FOXN4: variants seen among roughly 807,000 people sequenced by gnomAD.
FOXN4 encodes forkhead box protein N4.
A neutral mutation model predicts 45.0 loss-of-function variants in FOXN4; 12 were observed. The observed-to-expected ratio is 0.27, with a 90% CI of 0.17 to 0.43. The LOEUF is 0.43. Ranked by LOEUF, FOXN4 falls within the 20% of genes least tolerant of loss-of-function variation. The pLI, the probability that FOXN4 is intolerant of heterozygous loss-of-function variation, is 1.00. For synonymous variants in FOXN4, 297 were observed against 295.0 expected, an observed-to-expected ratio of 1.01 and a Z score of -0.07; for missense variants, 560 against 694.9, an observed-to-expected ratio of 0.81 and a Z score of 2.18.
chr12:109,304,476 C>T (rs1390945947), intron 2 of FOXN4, among the ~76,000 whole-genome samples: 1 of 152,160 alleles, frequency 6.6e-6, no homozygotes, highest in Non-Finnish European at 1.5e-5. Context: ...TCCAGCTAAC[C>T]CACATTGAGC....
chr12:109,287,258 TG>T lies in FOXN4; in HGVS notation c.596+138del. The stretch of plus-strand genomic sequence containing the variant: ...CGCCTTCCTGAGAACAAGTCCCACC[TG>T]GGGGTTCCCCACTCCCCAAAACCTC... On this transcript the variant is annotated intron_variant, in intron 6 of 9. Transcript: ENST00000299162. This position sits in a 1 kb window ranked among gnomAD's most constrained non-coding sequence, Gnocchi z 4.1. 8.3e-7 allele frequency: 1 copy of T among 1,199,524 alleles called. No individual in the cohort carries two copies. The highest frequency in any genetic ancestry group is 1.5e-5 in the South Asian group (1 of 64,666). 74.3% of individuals were successfully genotyped at this position (1,199,524 alleles called of 1,614,324 possible). A position where few individuals can be genotyped will look rare whatever the true frequency, so the allele number is the denominator to read the frequency against.
At chr12:109,296,121 T>TC (rs1354605239) in intron 2 of FOXN4, among the ~76,000 whole-genome samples, 1 of 152,130 alleles carries the variant, frequency 6.6e-6, no homozygotes, top group Non-Finnish European at 1.5e-5. Context: ...TCACCTACAG[T>TC]CCCCTGCATG....
intron 3 of FOXN4, among the ~76,000 whole-genome samples, chr12:109,289,136 C>T (rs1482673323): frequency 1.3e-5 from 2 of 152,212 alleles, no homozygotes; most frequent in Non-Finnish European, 2.9e-5. Context: ...GCAGGCAGTT[C>T]TGTTACACTT....
In FOXN4 at chr12:109,279,571, T is replaced by C. The variant is rs2047632401; in HGVS notation, c.*100A>G. On this transcript the variant is annotated 3_prime_UTR_variant, in exon 10 of 10. Transcript: ENST00000299162. ...CTTCGCCACAGGTCCAGGAGAGGCT[T>C]CGGGGACAATGAGGGACCTGCCTTC... 1 of 1,501,984 alleles carries C rather than the reference T, an allele frequency of 6.7e-7. No homozygotes were observed. The highest frequency in any genetic ancestry group is 8.9e-7 in the Non-Finnish European group (1 of 1,119,600). The allele number at this position is 1,501,984 out of a possible 1,614,324, so 93.0% of individuals were successfully genotyped here.
At chr12:109,285,243 C>CCG (rs2047695765) in intron 8 of FOXN4, 61 bp downstream of exon 8, 2 of 1,247,876 alleles carry the variant, frequency 1.6e-6, no homozygotes, top group Non-Finnish European at 2.2e-6. Flanking sequence ...CCTTCCTCTT[C>CCG]CGTGTGTGTG....
intron 2 of FOXN4, among the ~76,000 whole-genome samples, chr12:109,297,356 T>C (rs2136938303): frequency 6.6e-6 from 1 of 152,246 alleles, no homozygotes; most frequent in East Asian, 1.9e-4. Flanking sequence ...TTTTGTTTTC[T>C]TGAGACAGGG....
chr12:109,286,622 C>A, intron 7 of FOXN4, 26 bp downstream of exon 7: 1 of 1,588,328 alleles, frequency 6.3e-7, no homozygotes, highest in Non-Finnish European at 8.6e-7. Context: ...GCAGCTCCAG[C>A]ACCCCTACCC....
chr12:109,299,486 G>A (rs932360042), intron 2 of FOXN4, among the ~76,000 whole-genome samples: 1 of 152,164 alleles, frequency 6.6e-6, no homozygotes, highest in African/African-American at 2.4e-5. Context: ...TAGGAAAGGT[G>A]AGGTCAAGCC....
rs1477850482 is a variant in FOXN4 at position 109,288,024 on chromosome 12, C to T, written c.357+32G>A. 1 of 1,549,938 alleles carries T rather than the reference C, an allele frequency of 6.5e-7. No individual in the cohort carries two copies. Among genetic ancestry groups the T allele is most frequent in the Non-Finnish European group, 8.7e-7 (1 of 1,146,766 alleles). ...AGACACCCAGTCTGGAGGGCACTACCCGCCCTCCGCAGTCCATGCAGTGCC... is the reference window on the plus strand; with the variant it reads ...AGACACCCAGTCTGGAGGGCACTACTCGCCCTCCGCAGTCCATGCAGTGCC... On this transcript the variant is annotated intron_variant, in intron 4 of 9. Coordinates refer to ENST00000299162, the MANE Select transcript of FOXN4 (RefSeq NM_213596.3). This position sits in a 1 kb window ranked among gnomAD's most constrained non-coding sequence, Gnocchi z 4.3.
chr12:109,300,621 G>C (rs1459817525), intron 2 of FOXN4, among the ~76,000 whole-genome samples: 1 of 152,200 alleles, frequency 6.6e-6, no homozygotes, highest in Non-Finnish European at 1.5e-5. Flanking sequence ...TAAAAAATCA[G>C]GGTGTGCCCA....
At chr12:109,307,184 G>A (rs889923493) in intron 2 of FOXN4, among the ~76,000 whole-genome samples, 6 of 152,184 alleles carry the variant, frequency 3.9e-5, no homozygotes, top group African/African-American at 7.2e-5. Flanking sequence ...CTCTAATTGC[G>A]GGCTGCGGTC....
chr12:109,306,531 A>T (rs1477964343), intron 2 of FOXN4, among the ~76,000 whole-genome samples: 3 of 152,194 alleles, frequency 2.0e-5, no homozygotes. Flanking sequence ...GCAGAAGTAG[A>T]TTCACCCTGG....
At chr12:109,286,257 C>T (rs903031515) in intron 7 of FOXN4, among the ~76,000 whole-genome samples, 11 of 152,198 alleles carry the variant, frequency 7.2e-5, no homozygotes, top group Admixed American at 7.2e-4. Context: ...CCTTTATCTG[C>T]AGGATCCTCA....
intron 2 of FOXN4, among the ~76,000 whole-genome samples, chr12:109,300,010 G>C (rs947895732): frequency 5.3e-5 from 8 of 152,198 alleles, no homozygotes; most frequent in Admixed American, 5.2e-4. Flanking sequence ...CTGCCTCTCT[G>C]AGCCTCAGTT....
At position 109,281,850 on chromosome 12, in the gene FOXN4, C is replaced by A. The variant is rs2047656706; in HGVS notation, c.902-51G>T. ...CAGAACCCACCCAGCAGTTACCGGGCCCCAGCCCAGGCCTGGGTTCAAATT... is the reference window on the plus strand; with the variant it reads ...CAGAACCCACCCAGCAGTTACCGGGACCCAGCCCAGGCCTGGGTTCAAATT... On this transcript the variant is annotated intron_variant, in intron 8 of 9. Transcript: ENST00000299162. 2.0e-6 allele frequency: 3 copies of A among 1,506,328 alleles called. No individual in the cohort carries two copies. The South Asian group carries it at 4.0e-5, about 20-fold the overall frequency. 93.3% of individuals were successfully genotyped at this position (1,506,328 alleles called of 1,614,324 possible). A position where few individuals can be genotyped will look rare whatever the true frequency, so the allele number is the denominator to read the frequency against.
Position 109,287,345 on chromosome 12 carries a change from CCT to C in FOXN4, c.596+50_596+51del. 2 of 1,548,878 alleles carry C rather than the reference CCT, an allele frequency of 1.3e-6. No individual in the cohort carries two copies. Among genetic ancestry groups the C allele is most frequent in the South Asian group, 2.4e-5 (2 of 83,886 alleles). On this transcript the variant is annotated intron_variant, in intron 6 of 9. Coordinates refer to ENST00000299162, the MANE Select transcript of FOXN4 (RefSeq NM_213596.3). This position sits in a 1 kb window ranked among gnomAD's most constrained non-coding sequence, Gnocchi z 4.1. ...GAGATGCCCTGAGGGCAGCCTCATC[CCT>C]CTCTCCCGGAGCCGCCCTTGGCCCT...
In FOXN4 at chr12:109,278,761, T is replaced by A. The variant is rs1449731567; in HGVS notation, c.*910A>T. On this transcript the variant is annotated 3_prime_UTR_variant, in exon 10 of 10. Coordinates refer to ENST00000299162, the MANE Select transcript of FOXN4 (RefSeq NM_213596.3). Reference sequence around the variant, plus strand: ...TACATGCAAGAAGAGATGTGAATCATGAACAGGTAGAAAAATATCTGGTCT... The same window carrying A: ...TACATGCAAGAAGAGATGTGAATCAAGAACAGGTAGAAAAATATCTGGTCT... 2 of 151,936 alleles carry A rather than the reference T, an allele frequency of 1.3e-5. No individual in the cohort carries two copies. The highest frequency in any genetic ancestry group is 2.9e-5 in the Non-Finnish European group (2 of 68,018). 9.4% of individuals were successfully genotyped at this position (151,936 alleles called of 1,614,324 possible). A position where few individuals can be genotyped will look rare whatever the true frequency, so the allele number is the denominator to read the frequency against.
intron 2 of FOXN4, among the ~76,000 whole-genome samples, chr12:109,303,840 A>C (rs2047888400): frequency 6.6e-6 from 1 of 152,178 alleles, no homozygotes; most frequent in Non-Finnish European, 1.5e-5. Context: ...CCTTTGAGCA[A>C]GTCATGTCTC....
Position 109,307,538 on chromosome 12 carries a change from G to A in FOXN4, c.86+698C>T, listed in dbSNP as rs766767484. The stretch of plus-strand genomic sequence containing the variant: ...CCCAACTGTAAAAAAAATAGGGGGT[G>A]CGCAGACTGGTTGACCTCCTAAAGG... On this transcript the variant is annotated intron_variant, in intron 2 of 9. Coordinates refer to ENST00000299162, the MANE Select transcript of FOXN4 (RefSeq NM_213596.3). Among the ~76,000 whole-genome samples, 25 of 152,260 alleles carry A rather than the reference G, an allele frequency of 1.6e-4. No homozygotes were observed. The South Asian group carries it at 1.9e-3, about 11-fold the overall frequency.
Sources: allele counts gnomAD v4.1 joint callset (sites outside exome capture counted in the v4.1 genomes callset), GRCh38; gene constraint gnomAD v4.1.1; non-coding constraint Gnocchi (gnomAD v3.1); transcripts MANE v1.5; gene names NCBI Gene and HGNC (gene_info 2026-07-23, HGNC 2026-07-21).